Variants in AARS1 observed in about 807,000 individuals in gnomAD.
The protein encoded by AARS1 is alanine--tRNA ligase, cytoplasmic.
In AARS1, 72 loss-of-function variants were observed where a neutral mutation model predicts 108.9. That is an observed-to-expected ratio of 0.66 (90% CI 0.55 to 0.80). AARS1 has a LOEUF of 0.80. Ranked by LOEUF, AARS1 falls within the 30% of genes least tolerant of loss-of-function variation. AARS1 has a pLI of 0.00. For synonymous variants in AARS1, 489 were observed against 465.7 expected (o/e 1.05, Z -0.64); for missense variants, 1,193 against 1,233.2 (o/e 0.97, Z 0.49).
chr16:70,265,630 C>T lies in AARS1; in HGVS notation c.1255G>A (p.Gly419Arg). The T allele has an allele frequency of 6.2e-7, 1 of 1,613,890 alleles. No individual in the cohort carries two copies. The highest frequency in any genetic ancestry group is 8.5e-7 in the Non-Finnish European group (1 of 1,179,890). ...AGTCCAGTCAGATCCACTGGAAACC[C>T]ATAGGTGTCATAGAGGAGCCAAGCA... ...DTAWLLYDTY[G>R]FPVDLTGLIA... Residue 419 changes from glycine (G) to arginine (R), a missense_variant, in exon 10 of 21, where the codon GGG (glycine) becomes AGG (arginine). Physicochemically the swap from Gly to Arg is moderately radical, Grantham distance 125 (BLOSUM62 -2). Coordinates refer to ENST00000261772, the MANE Select transcript of AARS1 (RefSeq NM_001605.3).
At chr16:70,264,470 C>T (rs962473832) in intron 11 of AARS1, among the ~76,000 whole-genome samples, 3 of 151,852 alleles carry the variant, frequency 2.0e-5, no homozygotes, top group African/African-American at 7.2e-5. Context: ...GGGCACGCCA[C>T]CACGCCCGGC....
At chr16:70,281,559 C>A (rs1244422907) in intron 2 of AARS1, among the ~76,000 whole-genome samples, 2 of 151,902 alleles carry the variant, frequency 1.3e-5, no homozygotes, top group Non-Finnish European at 2.9e-5. Flanking sequence ...CCAGCTACTT[C>A]GGAGGCCAAG....
rs369147317 is a variant in AARS1, at chr16:70,271,927, G to A, written c.525C>T (p.Phe175=). The A allele has an allele frequency of 1.1e-5, 17 of 1,614,000 alleles. No individual in the cohort carries two copies. The African/African-American group carries it at 1.2e-4, about 11-fold the overall frequency. ...AGGGGCCCGTGTCACCCATCTCCCAGAAGTTATCCTTCATGTTGCCTGGGA... is the reference window on the plus strand; with the variant it reads ...AGGGGCCCGTGTCACCCATCTCCCAAAAGTTATCCTTCATGTTGCCTGGGA... ...KILPGNMKDN[F]WEMGDTGPCG... The change falls in exon 5 of 21, where the codon TTC becomes TTT. Residue 175 remains phenylalanine, a synonymous_variant. Coordinates refer to ENST00000261772, the MANE Select transcript of AARS1 (RefSeq NM_001605.3).
chr16:70,285,918 T>C (rs61594809), intron 1 of AARS1, among the ~76,000 whole-genome samples: 10,885 of 152,296 alleles, frequency 0.071, 1,304 homozygotes, highest in African/African-American at 0.25. Context: ...CAGGAGATCC[T>C]GACTCCAGCT....
At chr16:70,275,279 T>C (rs1163940843) in intron 4 of AARS1, among the ~76,000 whole-genome samples, 1 of 151,250 alleles carries the variant, frequency 6.6e-6, no homozygotes, top group Non-Finnish European at 1.5e-5. Context: ...CAAACAAACA[T>C]AAACAACAGA....
intron 16 of AARS1, among the ~76,000 whole-genome samples, 153 bp from the exon 17 acceptor site, chr16:70,254,887 C>T (rs1277129030): frequency 6.6e-6 from 1 of 152,182 alleles, no homozygotes; most frequent in Non-Finnish European, 1.5e-5. Context: ...GCTGGCAGCC[C>T]CAGGCCCCAG....
intron 13 of AARS1, among the ~76,000 whole-genome samples, chr16:70,260,672 T>G (rs1012761983): frequency 1.3e-5 from 2 of 151,542 alleles, no homozygotes; most frequent in African/African-American, 4.8e-5. Context: ...ACAGGACAAT[T>G]TTTTTTTTGA....
chr16:70,282,713 G>T lies in AARS1; in HGVS notation c.51C>A (p.Phe17Leu). The change falls in exon 2 of 21, where the codon TTC (phenylalanine) becomes TTA (leucine). Residue 17 changes from phenylalanine (F) to leucine (L), a missense_variant. Physicochemically the swap from Phe to Leu is conservative, Grantham distance 22. Transcript: ENST00000261772. Reference sequence around the variant, plus strand: ...CATACGTATGCTCGTTCCTCTTGAAGAAATCTATAAATCGCTGCCGGATTT... The same window carrying T: ...CATACGTATGCTCGTTCCTCTTGAATAAATCTATAAATCGCTGCCGGATTT... ...ASEIRQRFID[F>L]FKRNEHTYVH... 2 of 1,614,118 alleles carry T rather than the reference G, an allele frequency of 1.2e-6. No homozygotes were observed. The highest frequency in any genetic ancestry group is 1.7e-6 in the Non-Finnish European group (2 of 1,180,028).
At chr16:70,265,685 G>C in intron 9 of AARS1, 23 bp from the exon 10 acceptor site, 1 of 1,610,382 alleles carries the variant, frequency 6.2e-7, no homozygotes, top group Non-Finnish European at 8.5e-7. Flanking sequence ...AAGGAGGTGT[G>C]TCAAAAAAAA....
chr16:70,264,676 CATG>C (rs1230703283), intron 11 of AARS1, among the ~76,000 whole-genome samples: 2 of 152,032 alleles, frequency 1.3e-5, no homozygotes, highest in African/African-American at 4.8e-5. Context: ...CAGTTTCCTG[CATG>C]ATGTTACAAT....
intron 20 of AARS1, 38 bp from the exon 21 acceptor site, chr16:70,252,944 G>T (rs755340595): frequency 6.2e-7 from 1 of 1,601,702 alleles, no homozygotes; most frequent in Non-Finnish European, 8.5e-7. Context: ...CAGCACAGAA[G>T]ATGGGATTGA....
chr16:70,281,330 C>T (rs921345186), intron 2 of AARS1, among the ~76,000 whole-genome samples: 10 of 152,080 alleles, frequency 6.6e-5, no homozygotes, highest in African/African-American at 1.2e-4. Context: ...AGCTCGAGAC[C>T]AGCCTGAACA....
At chr16:70,266,125 A>G (rs2152159168) in intron 9 of AARS1, among the ~76,000 whole-genome samples, 1 of 152,208 alleles carries the variant, frequency 6.6e-6, no homozygotes, top group African/African-American at 2.4e-5. Flanking sequence ...CATCTTGGCC[A>G]ATACGGTGAA....
At chr16:70,279,687 A>AG (rs1960648551) in intron 2 of AARS1, among the ~76,000 whole-genome samples, 1 of 150,834 alleles carries the variant, frequency 6.6e-6, no homozygotes, top group Non-Finnish European at 1.5e-5. Context: ...AAAAAAAAAA[A>AG]GAAAAGTTTA....
chr16:70,264,869 C>T (rs1333756171), intron 11 of AARS1, 89 bp downstream of exon 11: 1 of 1,549,948 alleles, frequency 6.5e-7, no homozygotes, highest in Non-Finnish European at 8.9e-7. Flanking sequence ...CAGCAGTCTG[C>T]TGGAGAGCTA....
intron 16 of AARS1, 131 bp from the exon 17 acceptor site, chr16:70,254,865 T>TG: frequency 1.5e-6 from 1 of 685,668 alleles, no homozygotes; most frequent in Non-Finnish European, 2.7e-6. Context: ...AAAGTGTCTG[T>TG]GGGGAGTAGG....
intron 16 of AARS1, 36 bp downstream of exon 16, chr16:70,255,692 C>G (rs1342814881): frequency 1.9e-6 from 3 of 1,588,582 alleles, no homozygotes; most frequent in Non-Finnish European, 2.6e-6. Context: ...CTCTTGCCTT[C>G]TTCAGATAAG....
In AARS1 at chr16:70,253,122, C is replaced by T. The variant is rs1959883385; in HGVS notation, c.2721+146G>A. 3.4e-6 allele frequency: 3 copies of T among 880,628 alleles called. No individual in the cohort carries two copies. In the South Asian group the frequency reaches 4.3e-5, roughly 13 times the overall value. 54.6% of individuals were successfully genotyped at this position (880,628 alleles called of 1,614,324 possible). ...CCAGGTATCAACCAGATGTCTTCAC[C>T]AATAAGAAGGCCTGGGTAAGGGGTA... is the stretch of plus-strand genomic sequence containing the variant. On this transcript the variant is annotated intron_variant, in intron 20 of 20. Coordinates refer to ENST00000261772, the MANE Select transcript of AARS1 (RefSeq NM_001605.3).
chr16:70,273,374 C>G (rs1053786282), intron 4 of AARS1, among the ~76,000 whole-genome samples: 5 of 152,116 alleles, frequency 3.3e-5, no homozygotes, highest in African/African-American at 1.2e-4. Flanking sequence ...TATAGCTCAC[C>G]TACTGTCTTA....
Sources: gnomAD v4.1 joint callset for allele counts (sites outside exome capture counted in the v4.1 genomes callset) on GRCh38, gnomAD v4.1.1 for gene constraint, MANE v1.5 for transcripts, NCBI Gene and HGNC (gene_info 2026-07-23, HGNC 2026-07-21) for gene names.